Variants in JPH3 observed in about 807,000 individuals in gnomAD.
JPH3 encodes the protein junctophilin 3.
Under a neutral mutation model 59.6 loss-of-function variants are expected in JPH3, and 11 were observed. The ratio of observed to expected loss-of-function variants is 0.18; its 90% CI spans 0.12 to 0.31. The LOEUF (loss-of-function observed/expected upper bound fraction) is 0.31, where lower values mean the gene tolerates loss of function less well. Among genes scored for constraint, JPH3 ranks in the 10% least tolerant of loss-of-function variants. JPH3 has a pLI of 1.00. For missense variants in JPH3, 1,202 were observed against 1,105.7 expected (o/e 1.09, Z -1.24); for synonymous variants, 673 against 483.6 (o/e 1.39, Z -5.14).
chr16:87,688,512 G>C (rs938470240), intron 3 of JPH3, among the ~76,000 whole-genome samples: 1 of 138,024 alleles, frequency 7.2e-6, no homozygotes, highest in South Asian at 2.1e-4. Context: ...CCTGCCAAAA[G>C]GTCAGACTGG....
chr16:87,621,091 G>A (rs1048785746), intron 1 of JPH3, among the ~76,000 whole-genome samples: 4 of 152,310 alleles, frequency 2.6e-5, no homozygotes, highest in Admixed American at 6.5e-5. Context: ...CCCGGGAGGC[G>A]GAGGTTGCAG....
At chr16:87,680,209 G>A (rs957296056) in intron 2 of JPH3, among the ~76,000 whole-genome samples, 1 of 152,276 alleles carries the variant, frequency 6.6e-6, no homozygotes. Flanking sequence ...GGAGGCAGCA[G>A]CTCTCCTTTG....
At chr16:87,625,093 C>T (rs536714384) in intron 1 of JPH3, among the ~76,000 whole-genome samples, 1 of 152,340 alleles carries the variant, frequency 6.6e-6, no homozygotes, top group South Asian at 2.1e-4. Flanking sequence ...GCTGCCTCAC[C>T]TGGCCTTATT....
intron 2 of JPH3, among the ~76,000 whole-genome samples, chr16:87,673,514 G>C (rs2033069826): frequency 6.6e-6 from 1 of 152,192 alleles, no homozygotes; most frequent in Non-Finnish European, 1.5e-5. Flanking sequence ...AGATGGATTT[G>C]TGTGTGAAAT....
At chr16:87,634,764 T>C (rs1233848461) in intron 1 of JPH3, among the ~76,000 whole-genome samples, 1 of 151,988 alleles carries the variant, frequency 6.6e-6, no homozygotes, top group Non-Finnish European at 1.5e-5. Flanking sequence ...CCCGCCAGGG[T>C]GGGAGAGGAC....
At chr16:87,686,898 C>G (rs190644372) in intron 3 of JPH3, among the ~76,000 whole-genome samples, 1,601 of 152,298 alleles carry the variant, frequency 0.011, 27 homozygotes, top group African/African-American at 0.036. Context: ...GTCCAGTCCT[C>G]GAGGGTCTGG....
chr16:87,634,656 G>T (rs1458418033), intron 1 of JPH3, among the ~76,000 whole-genome samples: 1 of 152,234 alleles, frequency 6.6e-6, no homozygotes, highest in African/African-American at 2.4e-5. Flanking sequence ...CGGGAGGGGG[G>T]CTCTGGCCCG....
rs149722928 is a variant in JPH3, at chr16:87,621,900, C to T, written c.382+18372C>T. Among the ~76,000 whole-genome samples, 1,214 of 152,220 alleles carry T rather than the reference C, an allele frequency of 8.0e-3. 19 individuals carry two copies. The highest frequency in any genetic ancestry group is 0.027 in the African/African-American group (1,104 of 41,528). On this transcript the variant is annotated intron_variant, in intron 1 of 4. Coordinates refer to ENST00000284262, the MANE Select transcript of JPH3 (RefSeq NM_020655.4). ...ATGGGAGACCTGCACCAAAATAATG[C>T]GGAGATGGGTCAAGAAGCAGCCGCC...
intron 2 of JPH3, among the ~76,000 whole-genome samples, chr16:87,674,279 A>G (rs2033090717): frequency 2.0e-5 from 3 of 152,244 alleles, no homozygotes; most frequent in South Asian, 4.1e-4. Context: ...GCTTGCAGTG[A>G]GCCGAGATCG....
intron 4 of JPH3, among the ~76,000 whole-genome samples, chr16:87,692,076 G>A (rs1207202017): frequency 1.3e-5 from 2 of 152,168 alleles, no homozygotes; most frequent in African/African-American, 4.8e-5. Context: ...CCGGTCTCCA[G>A]CTGGGGCTAA....
chr16:87,616,906 G>T (rs1157703844), intron 1 of JPH3, among the ~76,000 whole-genome samples: 1 of 152,208 alleles, frequency 6.6e-6, no homozygotes, highest in Non-Finnish European at 1.5e-5. Context: ...ATTTGCTGGA[G>T]ATTCTTAGGT....
intron 1 of JPH3, among the ~76,000 whole-genome samples, chr16:87,620,322 A>G (rs1352392807): frequency 1.4e-5 from 2 of 143,758 alleles, no homozygotes; most frequent in African/African-American, 5.2e-5. Flanking sequence ...GGAGTCACCC[A>G]TAGGGGCAGG....
intron 2 of JPH3, among the ~76,000 whole-genome samples, chr16:87,662,517 C>G (rs917651424): frequency 6.6e-6 from 1 of 151,912 alleles, no homozygotes; most frequent in Non-Finnish European, 1.5e-5. Flanking sequence ...ATTTGTTTTC[C>G]AGGATGTTCG....
At chr16:87,683,863 C>T (rs1308072179) in intron 2 of JPH3, 2 of 377,290 alleles carry the variant, frequency 5.3e-6, no homozygotes, top group African/African-American at 2.1e-5. Context: ...GCCTTGGCCT[C>T]CCAAAGTGCT....
At chr16:87,634,787 T>C (rs56695106) in intron 1 of JPH3, among the ~76,000 whole-genome samples, 12,093 of 152,258 alleles carry the variant, frequency 0.079, 1,433 homozygotes, top group African/African-American at 0.26. Context: ...GCTTTGGGGT[T>C]GGGCCTCAGC....
chr16:87,605,905 A>G (rs1567578992), intron 1 of JPH3, among the ~76,000 whole-genome samples: 1 of 152,242 alleles, frequency 6.6e-6, no homozygotes. Context: ...GCAGGGATGC[A>G]GATGGGGAGC....
At chr16:87,671,330 C>G (rs1244363459) in intron 2 of JPH3, among the ~76,000 whole-genome samples, 1 of 152,224 alleles carries the variant, frequency 6.6e-6, no homozygotes, top group African/African-American at 2.4e-5. Flanking sequence ...CACGCCACCA[C>G]TGCCCTCTGA....
intron 3 of JPH3, among the ~76,000 whole-genome samples, chr16:87,688,433 T>C (rs569168429): frequency 2.0e-5 from 3 of 151,104 alleles, no homozygotes; most frequent in African/African-American, 7.4e-5. Context: ...ACACCGAGGG[T>C]AGCCATGTCT....
At chr16:87,692,237 T>G (rs537844355) in intron 4 of JPH3, among the ~76,000 whole-genome samples, 1 of 121,514 alleles carries the variant, frequency 8.2e-6, no homozygotes, top group African/African-American at 3.2e-5. Context: ...CCCCACAGCT[T>G]TGGAGCTGTG....
Sources: gnomAD v4.1 joint callset for allele counts (sites outside exome capture counted in the v4.1 genomes callset) on GRCh38, gnomAD v4.1.1 for gene constraint, MANE v1.5 for transcripts, NCBI Gene and HGNC (gene_info 2026-07-23, HGNC 2026-07-21) for gene names.